WWOX: variants seen among roughly 807,000 people sequenced by gnomAD.
The protein encoded by WWOX is WW domain containing oxidoreductase.
A neutral mutation model predicts 46.2 loss-of-function variants in WWOX; 69 were observed. The observed-to-expected ratio is 1.49, with a 90% confidence interval of 1.23 to 1.82. The LOEUF is 1.82. Among genes scored for constraint, WWOX ranks in the 40% most tolerant of loss-of-function variants. The pLI, the probability that WWOX is intolerant of heterozygous loss-of-function variation, is 0.00. For synonymous variants in WWOX, 359 were observed against 202.6 expected (o/e 1.77, Z -6.56); for missense variants, 919 against 542.6 (o/e 1.69, Z -6.89).
At chr16:79,192,347 CCATTCATTCATT>C (rs1469493684) in intron 8 of WWOX, among the ~76,000 whole-genome samples, 1 of 152,040 alleles carries the variant, frequency 6.6e-6, no homozygotes, top group Non-Finnish European at 1.5e-5. Context: ...ATCCACCCAT[CCATTCATTCATT>C]CACTCATCAC....
At chr16:79,137,145 C>G (rs1439070038) in intron 8 of WWOX, among the ~76,000 whole-genome samples, 2 of 152,188 alleles carry the variant, frequency 1.3e-5, no homozygotes, top group East Asian at 1.9e-4. Flanking sequence ...TTATGGATCT[C>G]TGTAGCAGGC....
At position 78,164,274 on chromosome 16, in the gene WWOX, C is replaced by T. The variant is rs2151735562; in HGVS notation, c.501C>T (p.Arg167=). The change falls in exon 5 of 9, where the codon CGC becomes CGT. Residue 167 remains arginine (R), a synonymous_variant. Coordinates refer to ENST00000566780, the MANE Select transcript of WWOX (RefSeq NM_016373.4). ...NMARASEAVS[R]ILEEWHKAKV... ...CAAGGGCGAGTGAAGCAGTGTCACG[C>T]ATTTTAGAAGAATGGGTAAGTGCTT... The T allele has an allele frequency of 1.2e-6, 2 of 1,613,980 alleles. No homozygotes were observed. Among genetic ancestry groups the T allele is most frequent in the Non-Finnish European group, 1.7e-6 (2 of 1,179,974 alleles).
chr16:78,159,411 C>T (rs573324534), intron 4 of WWOX, among the ~76,000 whole-genome samples: 7 of 152,170 alleles, frequency 4.6e-5, no homozygotes, highest in African/African-American at 1.7e-4. Context: ...ATAATGGTTG[C>T]ACCAATTTAC....
At chr16:79,205,049 T>C (rs1400517415) in intron 8 of WWOX, 1 of 152,198 alleles carries the variant, frequency 6.6e-6, no homozygotes, top group Non-Finnish European at 1.5e-5. Context: ...GGGGGCATCA[T>C]ATTTGGGATG....
At chr16:78,126,065 A>T (rs1000993389) in intron 4 of WWOX, among the ~76,000 whole-genome samples, 5 of 152,142 alleles carry the variant, frequency 3.3e-5, no homozygotes, top group African/African-American at 1.2e-4. Context: ...TTCTATTTAA[A>T]TTGTGATTAT....
chr16:78,848,392 T>A (rs1384054578), intron 8 of WWOX, among the ~76,000 whole-genome samples: 1 of 152,208 alleles, frequency 6.6e-6, no homozygotes, highest in Admixed American at 6.5e-5. Flanking sequence ...ACTTGGCTTT[T>A]GGACTAGACC....
At chr16:78,405,733 C>G (rs1047534520) in intron 6 of WWOX, among the ~76,000 whole-genome samples, 1 of 152,156 alleles carries the variant, frequency 6.6e-6, no homozygotes, top group African/African-American at 2.4e-5. Flanking sequence ...AAGGCTGATG[C>G]TGGGCTTTTT....
At chr16:78,162,656 CATT>C (rs1238041825) in intron 4 of WWOX, among the ~76,000 whole-genome samples, 1 of 152,098 alleles carries the variant, frequency 6.6e-6, no homozygotes, top group African/African-American at 2.4e-5. Flanking sequence ...GATTTTGTAA[CATT>C]ATCAGCCATT....
intron 8 of WWOX, among the ~76,000 whole-genome samples, chr16:78,727,240 A>C (rs1007903294): frequency 6.6e-6 from 1 of 152,178 alleles, no homozygotes; most frequent in Admixed American, 6.5e-5. Flanking sequence ...CTCTACTAGA[A>C]ATACAAAAAT....
chr16:78,801,739 C>G (rs971100512), intron 8 of WWOX, among the ~76,000 whole-genome samples: 5 of 152,156 alleles, frequency 3.3e-5, no homozygotes, highest in Admixed American at 6.5e-5. Context: ...CATTGTCCCT[C>G]TCCTTAGTGT....
intron 8 of WWOX, among the ~76,000 whole-genome samples, chr16:78,872,167 C>T (rs1307239050): frequency 3.9e-5 from 6 of 152,156 alleles, no homozygotes; most frequent in Admixed American, 6.5e-5. Flanking sequence ...CTTTTAGAGA[C>T]GATGTCTAAC....
chr16:78,463,178 C>G (rs1386352382), intron 8 of WWOX, among the ~76,000 whole-genome samples: 1 of 152,174 alleles, frequency 6.6e-6, no homozygotes, highest in Non-Finnish European at 1.5e-5. Context: ...AGAAAATAAA[C>G]AGGCAGCACT....
chr16:78,416,439 A>C (rs572188049), intron 6 of WWOX, among the ~76,000 whole-genome samples: 3 of 152,336 alleles, frequency 2.0e-5, no homozygotes, highest in Admixed American at 6.5e-5. Flanking sequence ...AGAGGTGACA[A>C]GTTTTAGGTA....
intron 8 of WWOX, among the ~76,000 whole-genome samples, chr16:79,023,223 G>A (rs2047569909): frequency 6.6e-6 from 1 of 152,172 alleles, no homozygotes; most frequent in African/African-American, 2.4e-5. Context: ...CCATCTTGTT[G>A]GAAGGCTGTC....
intron 5 of WWOX, among the ~76,000 whole-genome samples, chr16:78,370,581 T>A (rs1368737568): frequency 6.6e-6 from 1 of 152,112 alleles, no homozygotes; most frequent in African/African-American, 2.4e-5. Context: ...TATTAGGATA[T>A]AATTATGGAT....
At chr16:78,181,612 G>T (rs1211903982) in intron 5 of WWOX, among the ~76,000 whole-genome samples, 1 of 152,132 alleles carries the variant, frequency 6.6e-6, no homozygotes, top group East Asian at 1.9e-4. Context: ...TGGTAATTTG[G>T]TTCTTTGCTA....
chr16:79,135,202 T>C (rs1315757609), intron 8 of WWOX, among the ~76,000 whole-genome samples: 1 of 152,174 alleles, frequency 6.6e-6, no homozygotes, highest in African/African-American at 2.4e-5. Context: ...GAAAAAAATA[T>C]TTATTTTTGA....
intron 8 of WWOX, among the ~76,000 whole-genome samples, chr16:78,677,380 T>A (rs1009247198): frequency 6.6e-6 from 1 of 152,224 alleles, no homozygotes; most frequent in African/African-American, 2.4e-5. Flanking sequence ...AAATAAAATT[T>A]TGGCCTGCAT....
At position 78,328,470 on chromosome 16, in the gene WWOX, C is replaced by G. The variant is rs369223678; in HGVS notation, c.517-58390C>G. 9.2e-5 allele frequency among the ~76,000 whole-genome samples: 14 copies of G among 152,142 alleles called. No individual in the cohort carries two copies. The East Asian group carries it at 1.2e-3, about 13-fold the overall frequency. ...GGCTTTGGATGAGCTGTTTAATTTTCATTTCAAGTTGCTGGTAAGATGATG... is the reference window on the plus strand; with the variant it reads ...GGCTTTGGATGAGCTGTTTAATTTTGATTTCAAGTTGCTGGTAAGATGATG... On this transcript the variant is annotated intron_variant, in intron 5 of 8. Coordinates refer to ENST00000566780, the MANE Select transcript of WWOX (RefSeq NM_016373.4).
Sources: gnomAD v4.1 joint callset for allele counts (sites outside exome capture counted in the v4.1 genomes callset) on GRCh38, gnomAD v4.1.1 for gene constraint, MANE v1.5 for transcripts, NCBI Gene and HGNC (gene_info 2026-07-23, HGNC 2026-07-21) for gene names.